Variants in KCNIP1 observed in about 807,000 individuals in gnomAD.
The protein encoded by KCNIP1 is potassium voltage-gated channel interacting protein 1, also known as A-type potassium channel modulatory protein KCNIP1.
A neutral mutation model predicts 33.0 loss-of-function variants in KCNIP1; 18 were observed. The ratio of observed to expected loss-of-function variants is 0.55; its 90% CI spans 0.38 to 0.81. The LOEUF (loss-of-function observed/expected upper bound fraction) is 0.81. Ranked by LOEUF, KCNIP1 falls within the 30% of genes least tolerant of loss-of-function variation. The pLI, the probability that KCNIP1 is intolerant of heterozygous loss-of-function variation, is 0.00. For missense variants in KCNIP1, 238 were observed against 271.6 expected (o/e 0.88, Z 0.87); for synonymous variants, 93 against 98.3 (o/e 0.95, Z 0.32).
chr5:170,620,708 C>A (rs1240387752), intron 1 of KCNIP1, among the ~76,000 whole-genome samples: 1 of 152,178 alleles, frequency 6.6e-6, no homozygotes, highest in Non-Finnish European at 1.5e-5. Context: ...TTTAAAAAAT[C>A]TTCTTTGGGT....
chr5:170,472,915 A>G (rs920053367), intron 1 of KCNIP1, among the ~76,000 whole-genome samples: 4 of 152,168 alleles, frequency 2.6e-5, no homozygotes, highest in Non-Finnish European at 4.4e-5. Flanking sequence ...TCTTTTTCAT[A>G]TAAAGACTTC....
At chr5:170,631,246 G>A (rs1046371903) in intron 1 of KCNIP1, among the ~76,000 whole-genome samples, 7 of 152,136 alleles carry the variant, frequency 4.6e-5, no homozygotes, top group Non-Finnish European at 7.4e-5. Context: ...TCTGTGAAAT[G>A]GGTGTTAGAA....
At chr5:170,559,630 C>A (rs1756964390) in intron 1 of KCNIP1, among the ~76,000 whole-genome samples, 1 of 152,180 alleles carries the variant, frequency 6.6e-6, no homozygotes, top group South Asian at 2.1e-4. Context: ...GCTGTGGGAT[C>A]TGTTTACTCT....
intron 5 of KCNIP1, among the ~76,000 whole-genome samples, chr5:170,723,861 G>T (rs1023129092): frequency 6.6e-6 from 1 of 152,220 alleles, no homozygotes; most frequent in African/African-American, 2.4e-5. Context: ...GTTCCAGGCA[G>T]AAGGAACAGC....
At chr5:170,733,027 T>G in intron 6 of KCNIP1, 123 bp downstream of exon 6, 1 of 604,916 alleles carries the variant, frequency 1.7e-6, no homozygotes, top group East Asian at 2.7e-5. Context: ...AGAAAAGAAT[T>G]ATAAGATACA....
chr5:170,390,671 G>A (rs988967971), intron 1 of KCNIP1, among the ~76,000 whole-genome samples: 1 of 151,702 alleles, frequency 6.6e-6, no homozygotes, highest in Non-Finnish European at 1.5e-5. Context: ...AGACTTGGAG[G>A]CTTGAAGTCA....
chr5:170,610,988 A>G (rs569110902), intron 1 of KCNIP1, among the ~76,000 whole-genome samples: 1 of 152,344 alleles, frequency 6.6e-6, no homozygotes, highest in South Asian at 2.1e-4. Flanking sequence ...CATTTTCTGC[A>G]TCAGGAAACT....
intron 1 of KCNIP1, among the ~76,000 whole-genome samples, chr5:170,662,121 G>A (rs12189366): frequency 0.057 from 8,740 of 152,246 alleles, 304 homozygotes; most frequent in Non-Finnish European, 0.081. Context: ...CCCAATCCAG[G>A]TATTGCAGGA....
At chr5:170,685,050 C>T (rs930972986) in intron 1 of KCNIP1, among the ~76,000 whole-genome samples, 1 of 152,216 alleles carries the variant, frequency 6.6e-6, no homozygotes, top group East Asian at 1.9e-4. Context: ...CCAGAACATA[C>T]CTCCTTCAAG....
intron 1 of KCNIP1, among the ~76,000 whole-genome samples, chr5:170,545,706 A>G (rs559745260): frequency 3.3e-4 from 50 of 152,148 alleles, no homozygotes; most frequent in African/African-American, 1.1e-3. Context: ...GTAACTATTA[A>G]CAGATACTAG....
At chr5:170,477,128 GAAGT>G (rs1756873551) in intron 1 of KCNIP1, among the ~76,000 whole-genome samples, 1 of 152,128 alleles carries the variant, frequency 6.6e-6, no homozygotes, top group Non-Finnish European at 1.5e-5. Flanking sequence ...CAAAAAAGTA[GAAGT>G]AAGTAAATAC....
intron 1 of KCNIP1, among the ~76,000 whole-genome samples, chr5:170,475,927 G>C (rs1358576760): frequency 6.6e-6 from 1 of 152,014 alleles, no homozygotes; most frequent in African/African-American, 2.4e-5. Flanking sequence ...TGCTTTTTCT[G>C]GGGTCAGGGA....
At chr5:170,425,408 G>A (rs1219481466) in intron 1 of KCNIP1, among the ~76,000 whole-genome samples, 1 of 152,200 alleles carries the variant, frequency 6.6e-6, no homozygotes, top group Non-Finnish European at 1.5e-5. Context: ...CCCCATGCAG[G>A]AGTCTTTCTC....
intron 1 of KCNIP1, among the ~76,000 whole-genome samples, chr5:170,633,168 G>C (rs1760126731): frequency 1.3e-5 from 2 of 152,152 alleles, no homozygotes; most frequent in Non-Finnish European, 2.9e-5. Context: ...GCGGCCAGGG[G>C]CTTGGGCGGT....
intron 1 of KCNIP1, among the ~76,000 whole-genome samples, chr5:170,595,861 G>A (rs1758424176): frequency 6.6e-6 from 1 of 152,134 alleles, no homozygotes; most frequent in African/African-American, 2.4e-5. Flanking sequence ...ACAAGTTTGT[G>A]TCATGGTTTT....
At chr5:170,431,989 C>T (rs142095328) in intron 1 of KCNIP1, among the ~76,000 whole-genome samples, 151 of 152,202 alleles carry the variant, frequency 9.9e-4, no homozygotes, top group African/African-American at 3.4e-3. Context: ...AGCTGTTTGG[C>T]CTCAATGGCA....
chr5:170,611,097 T>A (rs1759133030), intron 1 of KCNIP1, among the ~76,000 whole-genome samples: 1 of 152,240 alleles, frequency 6.6e-6, no homozygotes, highest in Non-Finnish European at 1.5e-5. Flanking sequence ...ACAGTGGCAC[T>A]CAAATTCATC....
At chr5:170,410,823 G>GGT (rs1755166464) in intron 1 of KCNIP1, among the ~76,000 whole-genome samples, 2 of 152,186 alleles carry the variant, frequency 1.3e-5, no homozygotes, top group South Asian at 4.1e-4. Context: ...TTGTGAGGTT[G>GGT]GCTCAGTGTA....
chr5:170,570,983 A>G (rs1237368969), intron 1 of KCNIP1, among the ~76,000 whole-genome samples: 1 of 152,238 alleles, frequency 6.6e-6, no homozygotes, highest in Non-Finnish European at 1.5e-5. Flanking sequence ...AATGATAAGT[A>G]GTGTCCCAAA....
Sources: gnomAD v4.1 joint callset for allele counts (sites outside exome capture counted in the v4.1 genomes callset) on GRCh38, gnomAD v4.1.1 for gene constraint, MANE v1.5 for transcripts, NCBI Gene and HGNC (gene_info 2026-07-23, HGNC 2026-07-21) for gene names.